FGD3: variants seen among roughly 807,000 people sequenced by gnomAD.
FGD3 encodes FYVE, RhoGEF and PH domain containing 3, also known as FYVE, RhoGEF and PH domain-containing protein 3.
Under a neutral mutation model 71.8 loss-of-function variants are expected in FGD3, and 45 were observed. That is an observed-to-expected ratio of 0.63 (90% CI 0.49 to 0.80). The LOEUF (loss-of-function observed/expected upper bound fraction) is 0.80, where lower values mean the gene tolerates loss of function less well. FGD3 is among the 30% of genes least tolerant of loss of function. The pLI, the probability that FGD3 is intolerant of heterozygous loss-of-function variation, is 0.00. For synonymous variants in FGD3, 378 were observed against 392.8 expected (o/e 0.96, Z 0.44); for missense variants, 844 against 951.5 (o/e 0.89, Z 1.49).
chr9:92,995,270 CTGTT>C (rs1432014676), intron 3 of FGD3, among the ~76,000 whole-genome samples: 3 of 152,246 alleles, frequency 2.0e-5, no homozygotes, highest in African/African-American at 7.2e-5. Context: ...ATTTGGCTCT[CTGTT>C]TGTCTGTTAT....
chr9:93,035,318 C>T lies in FGD3; in HGVS notation c.1927-20C>T. On this transcript the variant is annotated intron_variant, in intron 17 of 17. Transcript: ENST00000375482. Reference sequence around the variant, plus strand: ...GCCGGGAAGCTGTGGCCCCGCTGACCATCTGCTCCTCTGCTGCAGGACGGC... The same window carrying T: ...GCCGGGAAGCTGTGGCCCCGCTGACTATCTGCTCCTCTGCTGCAGGACGGC... 3 of 1,602,572 alleles carry T rather than the reference C, an allele frequency of 1.9e-6. No homozygotes were observed. Among genetic ancestry groups the T allele is most frequent in the Non-Finnish European group, 2.6e-6 (3 of 1,174,060 alleles).
At chr9:92,993,918 A>G (rs1236030862) in intron 3 of FGD3, among the ~76,000 whole-genome samples, 2 of 152,326 alleles carry the variant, frequency 1.3e-5, no homozygotes, top group East Asian at 1.9e-4. Context: ...TAGTGCTGCA[A>G]TAAACATACA....
At chr9:92,966,043 C>T (rs1482821375) in intron 1 of FGD3, among the ~76,000 whole-genome samples, 2 of 152,200 alleles carry the variant, frequency 1.3e-5, no homozygotes, top group East Asian at 1.9e-4. Context: ...GCGGGACGAC[C>T]GTCAGCTGTC....
rs927610815 is a variant in FGD3 at position 93,002,933 on chromosome 9, C to T, written c.462C>T (p.Gly154=). The T allele has an allele frequency of 2.5e-6, 4 of 1,613,912 alleles. No homozygotes were observed. The Admixed American group carries it at 5.0e-5, about 20-fold the overall frequency. ...ATCTCTTCTCTCCGCAGCACTCTGG[C>T]CCCCAGAAGCTTCTCCACATTGCCC... The part of the protein sequence containing the change: ...DKDAGLAQHS[G]PQKLLHIAQE... Residue 154 remains glycine, a synonymous_variant, in exon 4 of 18, where the codon GGC becomes GGT. Coordinates refer to ENST00000375482, the MANE Select transcript of FGD3 (RefSeq NM_001083536.2).
chr9:92,949,849 C>A (rs1038349541), intron 1 of FGD3, among the ~76,000 whole-genome samples: 2 of 152,196 alleles, frequency 1.3e-5, no homozygotes, highest in Admixed American at 1.3e-4. Flanking sequence ...GAGGAGCTCT[C>A]CCTGTCCTGC....
Position 93,013,998 on chromosome 9 carries a change from G to A in FGD3, c.1182G>A (p.Leu394=), listed in dbSNP as rs1245834461. 6 of 1,605,316 alleles carry A rather than the reference G, an allele frequency of 3.7e-6. No individual in the cohort carries two copies. In the Admixed American group the frequency reaches 6.8e-5, roughly 18 times the overall value. The change falls in exon 9 of 18, where the codon CTG becomes CTA. Residue 394 remains leucine (L), a splice_region_variant and synonymous_variant. Transcript: ENST00000375482. Reference sequence around the variant, plus strand: ...CCCCCCAGGACCGCCACCTCTTCCTGGTGAGCCTGGCCCCTGCCAGCCCAG... The same window carrying A: ...CCCCCCAGGACCGCCACCTCTTCCTAGTGAGCCTGGCCCCTGCCAGCCCAG... The part of the protein sequence containing the change: ...NGTPQDRHLF[L]FNSMILYCVP...
rs746628588 is a variant in FGD3 at position 93,030,013 on chromosome 9, G to GGGGACA, written c.1680+26_1680+31dup. On this transcript the variant is annotated intron_variant, in intron 15 of 17. Coordinates refer to ENST00000375482, the MANE Select transcript of FGD3 (RefSeq NM_001083536.2). ...TGTGGGGCGGTGAGTCCCGGGAGAG[G>GGGGACA]GGGACAGGGACAGGAGGCCACCCTG... 5.0e-6 allele frequency: 8 copies of GGGGACA among 1,609,280 alleles called. No homozygotes were observed. The highest frequency in any genetic ancestry group is 6.8e-6 in the Non-Finnish European group (8 of 1,177,770).
chr9:93,005,009 A>G (rs1860999351), intron 5 of FGD3, among the ~76,000 whole-genome samples: 2 of 152,210 alleles, frequency 1.3e-5, no homozygotes, highest in African/African-American at 4.8e-5. Flanking sequence ...TGCTTGGTAG[A>G]GACAGGTTTT....
At chr9:93,002,273 TA>T (rs1287051694) in intron 3 of FGD3, among the ~76,000 whole-genome samples, 4 of 152,140 alleles carry the variant, frequency 2.6e-5, no homozygotes, top group Non-Finnish European at 5.9e-5. Context: ...AGAGGTTTGT[TA>T]GCCTGCCCAA....
intron 1 of FGD3, among the ~76,000 whole-genome samples, chr9:92,953,367 C>T (rs901921478): frequency 6.6e-6 from 1 of 152,180 alleles, no homozygotes; most frequent in African/African-American, 2.4e-5. Context: ...TCTGTAATTA[C>T]GTCTCCTGAG....
chr9:93,023,646 C>T (rs1862011148), intron 14 of FGD3, among the ~76,000 whole-genome samples: 1 of 152,094 alleles, frequency 6.6e-6, no homozygotes, highest in Non-Finnish European at 1.5e-5. Flanking sequence ...GGCCACCCTC[C>T]CCTGAGATGC....
intron 3 of FGD3, among the ~76,000 whole-genome samples, chr9:92,981,299 C>T (rs1011359304): frequency 7.0e-5 from 10 of 143,206 alleles, no homozygotes; most frequent in Admixed American, 5.2e-4. Flanking sequence ...ACCTGGGAGG[C>T]GGAGCTTGCA....
At chr9:92,992,415 C>G (rs1860448970) in intron 3 of FGD3, among the ~76,000 whole-genome samples, 1 of 152,182 alleles carries the variant, frequency 6.6e-6, no homozygotes, top group Non-Finnish European at 1.5e-5. Context: ...TAAGACTGGT[C>G]TAGTGGTGAT....
chr9:93,032,652 C>A, intron 15 of FGD3, 117 bp from the exon 16 acceptor site: 1 of 919,982 alleles, frequency 1.1e-6, no homozygotes, highest in Non-Finnish European at 1.8e-6. Flanking sequence ...ACACGCCACA[C>A]TGTGTTAAGT....
rs947201251 is a variant in FGD3, at chr9:92,968,376, C to T, written c.-217-6862C>T. Among the ~76,000 whole-genome samples, 5 of 152,100 alleles carry T rather than the reference C, an allele frequency of 3.3e-5. 1 individual carries two copies. The highest frequency in any genetic ancestry group is 3.3e-4 in the Admixed American group (5 of 15,272). Reference sequence around the variant, plus strand: ...CCTCCTCTTCTCCCTGCTCAGCTTGCCCTCACTTCCTGCCCTCTCCGAGGC... The same window carrying T: ...CCTCCTCTTCTCCCTGCTCAGCTTGTCCTCACTTCCTGCCCTCTCCGAGGC... On this transcript the variant is annotated intron_variant, in intron 1 of 17. Transcript: ENST00000375482.
intron 13 of FGD3, among the ~76,000 whole-genome samples, chr9:93,021,564 G>A (rs1861920907): frequency 6.6e-6 from 1 of 152,150 alleles, no homozygotes; most frequent in Non-Finnish European, 1.5e-5. Flanking sequence ...ACGGTGCCCT[G>A]AACCCTATGC....
At position 92,976,713 on chromosome 9, in the gene FGD3, G is replaced by C. The variant is rs751349811; in HGVS notation, c.453+4G>C. 1 of 1,564,690 alleles carries C rather than the reference G, an allele frequency of 6.4e-7. No individual in the cohort carries two copies. Among genetic ancestry groups the C allele is most frequent in the South Asian group, 1.2e-5 (1 of 84,136 alleles). On this transcript the variant is annotated splice_donor_region_variant and intron_variant, in intron 3 of 17. Coordinates refer to ENST00000375482, the MANE Select transcript of FGD3 (RefSeq NM_001083536.2). ...CAAGGATGCCGGCCTGGCCCAGGTA[G>C]GCTTCCCCTTCTCTGTCCCCGCTGC...
At chr9:92,996,637 C>A (rs1020208914) in intron 3 of FGD3, among the ~76,000 whole-genome samples, 2 of 152,194 alleles carry the variant, frequency 1.3e-5, no homozygotes, top group African/African-American at 4.8e-5. Context: ...TCGCTCTACA[C>A]CCTGCTTTAA....
intron 14 of FGD3, among the ~76,000 whole-genome samples, chr9:93,023,022 G>T (rs60153676): frequency 0.025 from 3,733 of 152,268 alleles, 144 homozygotes; most frequent in African/African-American, 0.085. Flanking sequence ...TAAAGAGGAT[G>T]AGGGCCAAGA....
Sources: allele counts gnomAD v4.1 joint callset (sites outside exome capture counted in the v4.1 genomes callset), GRCh38; gene constraint gnomAD v4.1.1; transcripts MANE v1.5; gene names NCBI Gene and HGNC (gene_info 2026-07-23, HGNC 2026-07-21).